The following WDR4 variants were observed in gnomAD, a reference collection of about 807,000 sequenced individuals.
WDR4 encodes tRNA (guanine-N(7)-)-methyltransferase non-catalytic subunit WDR4.
Under a neutral mutation model 48.6 loss-of-function variants are expected in WDR4, and 47 were observed. That is an observed-to-expected ratio of 0.97 (90% CI 0.77 to 1.23). WDR4 has a LOEUF of 1.23. Ranked by LOEUF, WDR4 falls within the 50% of genes most tolerant of loss-of-function variation. The probability of loss-of-function intolerance (pLI) is 0.00; values close to 1 mark genes in which losing one functional copy is unlikely to be tolerated. For missense variants in WDR4, 606 were observed against 551.6 expected, an observed-to-expected ratio of 1.10 and a Z score of -0.99; for synonymous variants, 268 against 230.0, an observed-to-expected ratio of 1.17 and a Z score of -1.49.
chr21:42,876,585 C>A, intron 2 of WDR4, 117 bp downstream of exon 2: 1 of 951,360 alleles, frequency 1.1e-6, no homozygotes. Context: ...CTTATCTGCA[C>A]CACTGTGTGA....
At chr21:42,850,898 TGGCCAGGAAACCACAGGCCCAGCCG>T (rs2057807994) in intron 10 of WDR4, among the ~76,000 whole-genome samples, 1 of 152,198 alleles carries the variant, frequency 6.6e-6, no homozygotes, top group Non-Finnish European at 1.5e-5. Flanking sequence ...AGCCTCAGCC[TGGCCAGGAAACCACAGGCCCAGCCG>T]GTAACCCGCG....
rs917357398 is a variant in WDR4, at chr21:42,859,283, GA to G, written c.627+378del. 7.9e-5 allele frequency among the ~76,000 whole-genome samples: 12 copies of G among 151,678 alleles called. 1 individual carries two copies. Among genetic ancestry groups the G allele is most frequent in the Admixed American group, 4.6e-4 (7 of 15,208 alleles). On this transcript the variant is annotated intron_variant, in intron 6 of 10. Coordinates refer to ENST00000398208, the MANE Select transcript of WDR4 (RefSeq NM_018669.6). ...AAGAAAGAAAAAAAGGAAAGAAAAGGAAAAAAAATGCAGCCCGTAATGGGAT... is the reference window on the plus strand; with the variant it reads ...AAGAAAGAAAAAAAGGAAAGAAAAGGAAAAAAATGCAGCCCGTAATGGGAT...
intron 1 of WDR4, chr21:42,878,847 G>C (rs2058561282): frequency 1.3e-5 from 8 of 616,572 alleles, no homozygotes; most frequent in Non-Finnish European, 1.6e-5. Flanking sequence ...TTGGGTAAGT[G>C]TCGGAGATGA....
Position 42,863,463 on chromosome 21 carries a change from G to A in WDR4, c.430C>T (p.His144Tyr), listed in dbSNP as rs778191246. Reference protein sequence around the residue: ...PHGCGRLELGHLSMLLDVAVS... With the variant: ...PHGCGRLELGYLSMLLDVAVS... ...ACCACATCTAACAGCATAGACAGGT[G>A]CCCCAGCTCTAGACGGCCACACCCG... is the stretch of plus-strand genomic sequence containing the variant. Residue 144 changes from histidine (H) to tyrosine (Y), a missense_variant, in exon 4 of 11, where the codon CAC (histidine) becomes TAC (tyrosine). By Grantham distance (83) the His-to-Tyr change is moderately conservative. Transcript: ENST00000398208. 6.2e-6 allele frequency: 10 copies of A among 1,613,212 alleles called. No individual in the cohort carries two copies.
chr21:42,869,281 G>A (rs1382102149), intron 3 of WDR4, among the ~76,000 whole-genome samples: 1 of 152,214 alleles, frequency 6.6e-6, no homozygotes, highest in Non-Finnish European at 1.5e-5. Context: ...AGGGGAAGCA[G>A]ACAAGTGAGA....
chr21:42,863,882 G>A (rs1449496105), intron 3 of WDR4, among the ~76,000 whole-genome samples: 2 of 144,302 alleles, frequency 1.4e-5, no homozygotes, highest in African/African-American at 5.4e-5. Context: ...CGAGGTGGGT[G>A]GATCACAAGG....
the WDR4 span, among the ~76,000 whole-genome samples, chr21:42,891,317 G>T: frequency 6.8e-6 from 1 of 147,284 alleles, no homozygotes; most frequent in African/African-American, 2.5e-5. Context: ...AACAGAGTGA[G>T]ATTCTGTCTC....
In WDR4 at chr21:42,855,649, C is replaced by T. The variant is rs750834961; in HGVS notation, c.726+33G>A. The stretch of plus-strand genomic sequence containing the variant: ...AGGCGACTGCCGGTGTCTACAAGCA[C>T]TCAGTCGCCCAGGAGTGAACAGAAG... On this transcript the variant is annotated intron_variant, in intron 7 of 10. Coordinates refer to ENST00000398208, the MANE Select transcript of WDR4 (RefSeq NM_018669.6). 5.3e-5 allele frequency: 79 copies of T among 1,494,070 alleles called. 2 individuals carry two copies. The Middle Eastern group carries it at 8.7e-4, about 16-fold the overall frequency. 92.6% of individuals were successfully genotyped at this position (1,494,070 alleles called of 1,614,324 possible).
At chr21:42,863,775 C>T (rs2058175306) in intron 3 of WDR4, among the ~76,000 whole-genome samples, 179 bp from the exon 4 acceptor site, 1 of 151,898 alleles carries the variant, frequency 6.6e-6, no homozygotes. Flanking sequence ...AAAGCCAATG[C>T]CTTCGACAAA....
At chr21:42,870,047 G>A (rs189851567) in intron 3 of WDR4, among the ~76,000 whole-genome samples, 28 of 151,788 alleles carry the variant, frequency 1.8e-4, no homozygotes, top group African/African-American at 5.6e-4. Context: ...ACCAGTAGAG[G>A]GATAGTCAAG....
intron 1 of WDR4, among the ~76,000 whole-genome samples, chr21:42,878,018 C>G (rs1446184799): frequency 7.3e-6 from 1 of 137,388 alleles, no homozygotes; most frequent in Non-Finnish European, 1.5e-5. Flanking sequence ...GCACTCCAGC[C>G]TGGGCGACAA....
chr21:42,871,259 C>A (rs931459703), intron 3 of WDR4, among the ~76,000 whole-genome samples: 1 of 152,306 alleles, frequency 6.6e-6, no homozygotes, highest in East Asian at 1.9e-4. Context: ...TATTTAAGGC[C>A]CCTAGTCTGT....
chr21:42,852,379 G>A, intron 9 of WDR4, 55 bp from the exon 10 acceptor site: 1 of 1,581,906 alleles, frequency 6.3e-7, no homozygotes. Flanking sequence ...TGGAAACCCA[G>A]CACCAGGACG....
intron 6 of WDR4, 127 bp from the exon 7 acceptor site, chr21:42,855,907 T>C: frequency 1.6e-6 from 1 of 608,762 alleles, no homozygotes; most frequent in Non-Finnish European, 2.7e-6. Flanking sequence ...CCCTCAGGAA[T>C]TAAAGGCTCT....
At chr21:42,879,282 G>A in intron 1 of WDR4, 125 bp downstream of exon 1, 1 of 1,415,226 alleles carries the variant, frequency 7.1e-7, no homozygotes, top group South Asian at 1.5e-5. Flanking sequence ...TCGTGGGCTG[G>A]AGCGGAGTTC....
chr21:42,891,523 A>C, the WDR4 span, among the ~76,000 whole-genome samples: 1 of 152,106 alleles, frequency 6.6e-6, no homozygotes, highest in Admixed American at 6.6e-5. Context: ...CTCCAGGTCC[A>C]TGAAGGAGGG....
intron 6 of WDR4, 36 bp downstream of exon 6, chr21:42,859,625 GA>G: frequency 2.0e-6 from 1 of 500,870 alleles, no homozygotes; most frequent in Non-Finnish European, 3.3e-6. Flanking sequence ...GCAGGCTCAA[GA>G]ATCCAGAGGT....
the WDR4 span, among the ~76,000 whole-genome samples, chr21:42,888,699 A>ATTT: frequency 7.0e-4 from 98 of 140,458 alleles, no homozygotes; most frequent in African/African-American, 2.4e-3. Flanking sequence ...AAGGTTTATA[A>ATTT]TTTTTTTTTT....
At chr21:42,859,596 C>CTG in intron 6 of WDR4, 66 bp downstream of exon 6, 4 of 467,726 alleles carry the variant, frequency 8.6e-6, no homozygotes, top group Non-Finnish European at 1.2e-5. Flanking sequence ...GTCCAGGAGG[C>CTG]GCCCACCCCA....
Sources: gnomAD v4.1 joint callset for allele counts (sites outside exome capture counted in the v4.1 genomes callset) on GRCh38, gnomAD v4.1.1 for gene constraint, MANE v1.5 for transcripts, NCBI Gene and HGNC (gene_info 2026-07-23, HGNC 2026-07-21) for gene names.